Variants in ERC2 observed in about 807,000 individuals in gnomAD.
ERC2 encodes the protein ERC protein 2.
Under a neutral mutation model 114.8 loss-of-function variants are expected in ERC2, and 42 were observed. That is an observed-to-expected ratio of 0.37 (90% CI 0.29 to 0.47). The LOEUF (loss-of-function observed/expected upper bound fraction) is 0.47. Ranked by LOEUF, ERC2 falls within the 20% of genes least tolerant of loss-of-function variation. ERC2 has a pLI of 0.99. For missense variants in ERC2, 939 were observed against 1,150.7 expected, an observed-to-expected ratio of 0.82 and a Z score of 2.66; for synonymous variants, 454 against 425.5, an observed-to-expected ratio of 1.07 and a Z score of -0.82.
At chr3:55,900,509 A>G (rs1160537058) in intron 13 of ERC2, among the ~76,000 whole-genome samples, 1 of 152,178 alleles carries the variant, frequency 6.6e-6, no homozygotes, top group African/African-American at 2.4e-5. Context: ...AGGAAGGAGA[A>G]GAAAATGGGT....
chr3:56,164,216 A>G (rs2149998425), intron 4 of ERC2, among the ~76,000 whole-genome samples: 1 of 152,114 alleles, frequency 6.6e-6, no homozygotes, highest in Middle Eastern at 3.4e-3. Flanking sequence ...GAACATTTTC[A>G]TCACCCAAAA....
At chr3:56,325,737 T>C (rs1342389337) in intron 2 of ERC2, among the ~76,000 whole-genome samples, 5 of 152,234 alleles carry the variant, frequency 3.3e-5, no homozygotes, top group Non-Finnish European at 5.9e-5. Context: ...GGATCTTTTA[T>C]GCATTTTTCC....
chr3:55,930,242 AAAAT>A (rs550948207), intron 13 of ERC2, among the ~76,000 whole-genome samples: 18 of 151,952 alleles, frequency 1.2e-4, no homozygotes, highest in East Asian at 3.9e-4. Flanking sequence ...CCGTCTCAAG[AAAAT>A]AAATAAATAA....
At chr3:56,290,766 CT>C (rs1225644188) in intron 3 of ERC2, among the ~76,000 whole-genome samples, 1 of 152,198 alleles carries the variant, frequency 6.6e-6, no homozygotes, top group African/African-American at 2.4e-5. Context: ...GGATCTCCCA[CT>C]GTCCTGGGTT....
intron 7 of ERC2, among the ~76,000 whole-genome samples, chr3:56,021,874 C>T (rs1215871676): frequency 6.6e-6 from 1 of 152,222 alleles, no homozygotes; most frequent in Non-Finnish European, 1.5e-5. Context: ...CCTCCAGCTC[C>T]ATCCATGTTC....
chr3:56,019,342 A>T (rs1226676071), intron 7 of ERC2, among the ~76,000 whole-genome samples: 1 of 152,142 alleles, frequency 6.6e-6, no homozygotes, highest in Non-Finnish European at 1.5e-5. Flanking sequence ...TTAGGTCTCA[A>T]GTCGATAGGC....
At position 55,550,743 on chromosome 3, in the gene ERC2, G is replaced by T. The variant is rs560917581; in HGVS notation, c.*40-39467C>A. 3.4e-4 allele frequency among the ~76,000 whole-genome samples: 52 copies of T among 152,142 alleles called. 1 individual carries two copies. The highest frequency in any genetic ancestry group is 7.4e-5 in the Non-Finnish European group (5 of 68,018). Reference sequence around the variant, plus strand: ...ATAATTTAAGAAATAGGGGCCGGGCGCAGTGGCTCACGCCTATAATCCCAG... The same window carrying T: ...ATAATTTAAGAAATAGGGGCCGGGCTCAGTGGCTCACGCCTATAATCCCAG... On this transcript the variant is annotated intron_variant, in intron 17 of 17. Coordinates refer to ENST00000288221, the MANE Select transcript of ERC2 (RefSeq NM_015576.3).
chr3:55,635,355 T>C (rs2059917334), intron 17 of ERC2, among the ~76,000 whole-genome samples: 1 of 152,108 alleles, frequency 6.6e-6, no homozygotes, highest in Non-Finnish European at 1.5e-5. Flanking sequence ...GGTGAAATCA[T>C]ATCATTATGA....
At chr3:56,408,693 C>T (rs192844924) in intron 2 of ERC2, among the ~76,000 whole-genome samples, 1 of 152,300 alleles carries the variant, frequency 6.6e-6, no homozygotes, top group East Asian at 1.9e-4. Flanking sequence ...AAAGACATTG[C>T]AATAAGTGTG....
chr3:56,202,077 C>A (rs1360022092), intron 3 of ERC2, among the ~76,000 whole-genome samples: 1 of 152,182 alleles, frequency 6.6e-6, no homozygotes. Context: ...AGGCAGAATA[C>A]CGCAGGCCAT....
At chr3:56,319,023 T>C (rs1312195457) in intron 2 of ERC2, among the ~76,000 whole-genome samples, 3 of 150,952 alleles carry the variant, frequency 2.0e-5, no homozygotes, top group Non-Finnish European at 4.4e-5. Flanking sequence ...ATTGGAACCC[T>C]TGTACACTGT....
chr3:56,144,009 C>A (rs1166874085), intron 5 of ERC2, among the ~76,000 whole-genome samples: 2 of 152,148 alleles, frequency 1.3e-5, no homozygotes, highest in Non-Finnish European at 2.9e-5. Context: ...TGTCAGGGAA[C>A]AAACAAGCTT....
At chr3:56,409,559 A>G (rs2060862088) in intron 2 of ERC2, among the ~76,000 whole-genome samples, 1 of 151,432 alleles carries the variant, frequency 6.6e-6, no homozygotes. Flanking sequence ...AGGGCTGGTG[A>G]TATTTAAATG....
intron 8 of ERC2, among the ~76,000 whole-genome samples, chr3:56,013,582 A>G (rs1420319057): frequency 6.6e-6 from 1 of 152,198 alleles, no homozygotes; most frequent in East Asian, 1.9e-4. Flanking sequence ...TGGGTTGAGA[A>G]GTTAGCATGT....
chr3:56,129,596 C>A (rs536812841), intron 6 of ERC2, among the ~76,000 whole-genome samples: 2 of 152,238 alleles, frequency 1.3e-5, no homozygotes, highest in African/African-American at 4.8e-5. Context: ...GAAATACATT[C>A]TTTTTCTTCC....
At chr3:56,396,841 T>C (rs1253439828) in intron 2 of ERC2, among the ~76,000 whole-genome samples, 1 of 152,152 alleles carries the variant, frequency 6.6e-6, no homozygotes, top group African/African-American at 2.4e-5. Context: ...AAATTACAAC[T>C]GTTTCCAATA....
intron 14 of ERC2, among the ~76,000 whole-genome samples, chr3:55,830,205 A>G (rs1418631292): frequency 6.6e-6 from 1 of 152,226 alleles, no homozygotes; most frequent in Non-Finnish European, 1.5e-5. Flanking sequence ...CCTGACATAA[A>G]GAAACTGTCA....
intron 15 of ERC2, among the ~76,000 whole-genome samples, chr3:55,709,310 T>G (rs1481757263): frequency 6.6e-6 from 1 of 152,040 alleles, no homozygotes; most frequent in South Asian, 2.1e-4. Flanking sequence ...GGCAAGATAA[T>G]TCACAGGGAG....
chr3:55,942,577 G>A (rs1190166033), intron 13 of ERC2, among the ~76,000 whole-genome samples: 1 of 151,712 alleles, frequency 6.6e-6, no homozygotes, highest in Admixed American at 6.6e-5. Context: ...GATTACAGGC[G>A]TGAGCCACCG....
Sources: gnomAD v4.1 joint callset for allele counts (sites outside exome capture counted in the v4.1 genomes callset) on GRCh38, gnomAD v4.1.1 for gene constraint, MANE v1.5 for transcripts, NCBI Gene and HGNC (gene_info 2026-07-23, HGNC 2026-07-21) for gene names.